Variants in FAM83A observed in about 807,000 individuals in gnomAD.
FAM83A encodes the protein protein FAM83A.
FAM83A carries 21 observed loss-of-function variants against 24.4 expected under a neutral mutation model. That is an observed-to-expected ratio of 0.86 (90% CI 0.61 to 1.24). The LOEUF (loss-of-function observed/expected upper bound fraction) is 1.24, where lower values mean the gene tolerates loss of function less well. FAM83A is among the 50% of genes most tolerant of loss of function. FAM83A has a pLI of 0.00. For missense variants in FAM83A, 617 were observed against 579.8 expected (o/e 1.06, Z -0.66); for synonymous variants, 270 against 252.4 (o/e 1.07, Z -0.66).
chr8:123,193,832 C>T (rs996354161), intron 2 of FAM83A, among the ~76,000 whole-genome samples, 192 bp from the exon 3 acceptor site: 19 of 152,210 alleles, frequency 1.2e-4, no homozygotes, highest in Middle Eastern at 3.2e-3. Flanking sequence ...ATAAGGCACT[C>T]CTCCCATTCA....
Position 123,209,468 on chromosome 8 carries a change from C to T in FAM83A, c.*1780C>T, listed in dbSNP as rs753452634. 1.5e-5 allele frequency: 25 copies of T among 1,614,040 alleles called. 1 individual carries two copies. The East Asian group carries it at 5.6e-4, about 36-fold the overall frequency. On this transcript the variant is annotated 3_prime_UTR_variant, in exon 4 of 4. Coordinates refer to ENST00000690554, the Ensembl canonical transcript of FAM83A. This position sits in a 1 kb window ranked among gnomAD's most constrained non-coding sequence, Gnocchi z 4.7. ...AACAAAACAAAAACAAAAAAACAAA[C>T]AACACTTTGGTTCCTGATGGCTTTC...
chr8:123,194,530 C>A lies in FAM83A; in HGVS notation c.773+382C>A, dbSNP rs1824082145. 2.0e-5 allele frequency among the ~76,000 whole-genome samples: 3 copies of A among 149,518 alleles called. No individual in the cohort carries two copies. The South Asian group carries it at 6.3e-4, about 31-fold the overall frequency. On this transcript the variant is annotated intron_variant, in intron 3 of 3. Coordinates refer to ENST00000690554, the Ensembl canonical transcript of FAM83A. The stretch of plus-strand genomic sequence containing the variant: ...ATGGAGTCTCGCCCTGTCACCCAGG[C>A]TGGAGTGCAGTGGTGCAATCACAGC...
At chr8:123,208,017 G>A (rs559812552) in exon 4 of FAM83A, 32 of 1,126,522 alleles carry the variant, frequency 2.8e-5, no homozygotes, top group East Asian at 4.6e-5. Flanking sequence ...CCAAAACTCC[G>A]TAAGAAGCAG....
intron 3 of FAM83A, among the ~76,000 whole-genome samples, chr8:123,203,405 T>C (rs1253041695): frequency 1.3e-5 from 2 of 151,394 alleles, no homozygotes; most frequent in African/African-American, 4.9e-5. Context: ...CTGGCCAACA[T>C]GGTAAAATCC....
chr8:123,206,976 C>T (rs1586791063), intron 3 of FAM83A, among the ~76,000 whole-genome samples, 181 bp from the exon 4 acceptor site: 1 of 138,464 alleles, frequency 7.2e-6, no homozygotes, highest in East Asian at 2.3e-4. Context: ...CTCCTCCTCC[C>T]CTTCCCACTT....
rs779345331 is a variant in FAM83A at position 123,183,187 on chromosome 8, G to A, written c.331G>A (p.Glu111Lys). The change falls in exon 1 of 4, where the codon GAG becomes AAG. Residue 111 changes from glutamate (E) to lysine (K), a missense_variant. Physicochemically the swap from Glu to Lys is moderately conservative, Grantham distance 56. Coordinates refer to ENST00000690554, the Ensembl canonical transcript of FAM83A. ...CGGCACCTACTTCCCTGTGGCCTCA[G>A]AGGGCAGCGAGCCGGCCCTACTGCA... 4 of 1,613,642 alleles carry A rather than the reference G, an allele frequency of 2.5e-6. No individual in the cohort carries two copies. In the East Asian group the frequency reaches 6.7e-5, roughly 27 times the overall value.
Position 123,191,902 on chromosome 8 carries a change from G to A in FAM83A, c.580G>A (p.Asp194Asn), listed in dbSNP as rs1040748674. Reference sequence around the variant, plus strand: ...TGGGGTGTTCGTTTGTGTGCTCCTGGACCAGGGAGGTGTGAAGCTCTTCCA... The same window carrying A: ...TGGGGTGTTCGTTTGTGTGCTCCTGAACCAGGGAGGTGTGAAGCTCTTCCA... The change falls in exon 2 of 4, where the codon GAC becomes AAC. Residue 194 changes from aspartate to asparagine, a missense_variant. Transcript: ENST00000690554. 3.1e-6 allele frequency: 5 copies of A among 1,614,162 alleles called. No homozygotes were observed. The South Asian group carries it at 4.4e-5, about 14-fold the overall frequency.
chr8:123,188,489 T>TG (rs1463594163), intron 1 of FAM83A, among the ~76,000 whole-genome samples: 1 of 143,858 alleles, frequency 7.0e-6, no homozygotes, highest in Non-Finnish European at 1.5e-5. Context: ...TCTTTCTTAC[T>TG]TTTTTTTTTT....
chr8:123,183,734 T>C (rs2602001), intron 1 of FAM83A, among the ~76,000 whole-genome samples: 136,416 of 148,574 alleles, frequency 0.92, 62,690 homozygotes, highest in East Asian at 1. Flanking sequence ...CTTGCTCTGT[T>C]GCCCAAGCTG....
chr8:123,182,993 G>A (rs1327323314), exon 1 of FAM83A: 6 of 1,612,442 alleles, frequency 3.7e-6, no homozygotes, highest in Non-Finnish European at 3.4e-6. Context: ...TTGGATGGGG[G>A]TTCTGAAGCC....
In FAM83A at chr8:123,207,682, C is replaced by T. The variant is rs1233390640; in HGVS notation, c.1299C>T (p.His433=). The stretch of plus-strand genomic sequence containing the variant: ...GGCCCTTCCTGCAGGCCTCCCCTCA[C>T]TTCTGAAGGTCCCATCCCCTGCTGC... Residue 433 remains histidine (H), a synonymous_variant, in exon 4 of 4, where the codon CAC becomes CAT. Coordinates refer to ENST00000690554, the Ensembl canonical transcript of FAM83A. The T allele has an allele frequency of 2.0e-6, 3 of 1,495,612 alleles. No homozygotes were observed. The African/African-American group carries it at 4.2e-5, about 21-fold the overall frequency. The allele number at this position is 1,495,612 out of a possible 1,614,324, so 92.6% of individuals were successfully genotyped here.
At chr8:123,188,677 T>A (rs1823883134) in intron 1 of FAM83A, among the ~76,000 whole-genome samples, 1 of 152,110 alleles carries the variant, frequency 6.6e-6, no homozygotes, top group Admixed American at 6.5e-5. Flanking sequence ...GAGATGGGGT[T>A]TCGCCAAGTT....
intron 3 of FAM83A, chr8:123,201,569 T>A (rs1824356995): frequency 6.6e-6 from 1 of 152,186 alleles, no homozygotes; most frequent in Admixed American, 6.5e-5. Context: ...TTAGAGTTGT[T>A]TCCAGTAAAA....
exon 1 of FAM83A, chr8:123,183,291 C>G: frequency 6.2e-7 from 1 of 1,613,270 alleles, no homozygotes; most frequent in Non-Finnish European, 8.5e-7. Flanking sequence ...TCAAGCACAA[C>G]AACATCAGAG....
intron 3 of FAM83A, among the ~76,000 whole-genome samples, chr8:123,205,796 CG>C (rs930813328): frequency 5.3e-5 from 8 of 151,792 alleles, no homozygotes; most frequent in Admixed American, 2.0e-4. Context: ...ATTGAGGGGG[CG>C]GGGGGAGAAA....
chr8:123,196,226 G>A (rs1215588860), intron 3 of FAM83A, among the ~76,000 whole-genome samples: 1 of 152,160 alleles, frequency 6.6e-6, no homozygotes, highest in African/African-American at 2.4e-5. Context: ...TGGCCATACT[G>A]GTCTCGAACT....
chr8:123,188,890 T>G (rs1823887916), intron 1 of FAM83A, among the ~76,000 whole-genome samples: 1 of 152,236 alleles, frequency 6.6e-6, no homozygotes. Flanking sequence ...AAGATAAACC[T>G]AGACAGGGTG....
intron 3 of FAM83A, among the ~76,000 whole-genome samples, chr8:123,198,521 C>A: frequency 1.3e-5 from 2 of 152,282 alleles, no homozygotes; most frequent in South Asian, 4.1e-4. Flanking sequence ...GGGCTTCCTC[C>A]CTCTACCAAA....
intron 3 of FAM83A, among the ~76,000 whole-genome samples, chr8:123,200,813 G>A (rs988273436): frequency 7.2e-5 from 11 of 152,184 alleles, no homozygotes; most frequent in African/African-American, 2.6e-4. Context: ...AAATTAGCCA[G>A]ATGTGGTGGT....
Sources: gnomAD v4.1 joint callset for allele counts (sites outside exome capture counted in the v4.1 genomes callset) on GRCh38, gnomAD v4.1.1 for gene constraint, Gnocchi (gnomAD v3.1) non-coding constraint, MANE v1.5 for transcripts, NCBI Gene and HGNC (gene_info 2026-07-23, HGNC 2026-07-21) for gene names.